Variants in AP3D1 observed in about 807,000 individuals in gnomAD.
AP3D1 encodes the protein adaptor related protein complex 3 subunit delta 1.
AP3D1 carries 51 observed loss-of-function variants against 147.6 expected under a neutral mutation model. That is an observed-to-expected ratio of 0.35 (90% confidence interval 0.28 to 0.44). AP3D1 has a LOEUF of 0.44. Among genes scored for constraint, AP3D1 ranks in the 20% least tolerant of loss-of-function variants. The pLI is 1.00. For synonymous variants in AP3D1, 760 were observed against 663.0 expected (o/e 1.15, Z -2.25); for missense variants, 1,421 against 1,624.2 (o/e 0.87, Z 2.15).
At chr19:2,108,656 G>T in intron 31 of AP3D1, 31 bp downstream of exon 31, 3 of 1,555,622 alleles carry the variant, frequency 1.9e-6, no homozygotes, top group African/African-American at 1.4e-5. Flanking sequence ...GGTGGCAGGA[G>T]CCAGGGTGTG....
chr19:2,157,053 T>G (rs1050032143), intron 1 of AP3D1, among the ~76,000 whole-genome samples: 2 of 149,076 alleles, frequency 1.3e-5, no homozygotes. Context: ...TCCACCCATC[T>G]GTCATCCATC....
At chr19:2,141,051 G>A (rs753485614) in intron 1 of AP3D1, among the ~76,000 whole-genome samples, 18 of 152,080 alleles carry the variant, frequency 1.2e-4, no homozygotes, top group Non-Finnish European at 2.4e-4. Flanking sequence ...GAGCCACTGC[G>A]CCCGGCCTGA....
intron 20 of AP3D1, 88 bp downstream of exon 20, chr19:2,115,131 C>T: frequency 7.2e-7 from 1 of 1,385,698 alleles, no homozygotes; most frequent in Non-Finnish European, 1.0e-6. Context: ...CAACGAAGAC[C>T]ATGGGGAGAG....
Position 2,112,015 on chromosome 19 carries a change from T to G in AP3D1, c.2788-187A>C, listed in dbSNP as rs2018296169. 3 of 916,564 alleles carry G rather than the reference T, an allele frequency of 3.3e-6. No homozygotes were observed. The South Asian group carries it at 5.2e-5, about 16-fold the overall frequency. 56.8% of individuals were successfully genotyped at this position (916,564 alleles called of 1,614,324 possible). A position where few individuals can be genotyped will look rare whatever the true frequency, so the allele number is the denominator to read the frequency against. ...AGGCCAGACCAGGCCCAGCGGAGGC[T>G]GGGGCCGTCTCTGGTTGGCGGCAAG... On this transcript the variant is annotated intron_variant, in intron 24 of 31. Transcript: ENST00000643116.
intron 15 of AP3D1, among the ~76,000 whole-genome samples, 153 bp from the exon 16 acceptor site, chr19:2,117,520 C>A (rs906000868): frequency 3.3e-5 from 5 of 152,252 alleles, no homozygotes; most frequent in African/African-American, 1.2e-4. Flanking sequence ...CATGCCGTCT[C>A]TGTCGTCATC....
chr19:2,163,540 A>G (rs1174953367), intron 1 of AP3D1, among the ~76,000 whole-genome samples: 1 of 150,278 alleles, frequency 6.7e-6, no homozygotes, highest in Non-Finnish European at 1.5e-5. Context: ...TCGAATGAAT[A>G]CTGGACTTGG....
chr19:2,139,163 G>C (rs535582253), intron 1 of AP3D1, among the ~76,000 whole-genome samples: 1 of 151,680 alleles, frequency 6.6e-6, no homozygotes, highest in African/African-American at 2.4e-5. Context: ...CCAATCCAGA[G>C]ACAGGAAGGG....
rs2019503309 is a variant in AP3D1, at chr19:2,151,308, G to A, written c.27C>T (p.Ser9=). The A allele has an allele frequency of 1.9e-6, 3 of 1,610,698 alleles. No individual in the cohort carries two copies. The highest frequency in any genetic ancestry group is 1.7e-6 in the Non-Finnish European group (2 of 1,178,410). The change falls in exon 1 of 32, where the codon AGC becomes AGT. Residue 9 remains serine, a synonymous_variant. Transcript: ENST00000643116. MALKMVKG[S]IDRMFDKNLQ... Reference sequence around the variant, plus strand: ...GATTCTTGTCGAACATGCGGTCGATGCTGCCCTTCACCATCTTGAGGGCCA... The same window carrying A: ...GATTCTTGTCGAACATGCGGTCGATACTGCCCTTCACCATCTTGAGGGCCA...
chr19:2,143,222 C>T lies in AP3D1; in HGVS notation c.97-4508G>A, dbSNP rs532678100. Among the ~76,000 whole-genome samples, 40 of 148,204 alleles carry T rather than the reference C, an allele frequency of 2.7e-4. No homozygotes were observed. In the East Asian group the frequency reaches 7.6e-3, roughly 28 times the overall value. ...AGGACTACAGGCACGTGCCACCATG[C>T]CTGCCTAATTTTTTTTTTTTTTTTT... is the stretch of plus-strand genomic sequence containing the variant. On this transcript the variant is annotated intron_variant, in intron 1 of 31. Transcript: ENST00000643116.
chr19:2,150,433 G>A (rs1034476486), intron 1 of AP3D1, among the ~76,000 whole-genome samples: 1 of 152,208 alleles, frequency 6.6e-6, no homozygotes, highest in African/African-American at 2.4e-5. Flanking sequence ...GGAGCGGGAA[G>A]GAAACGATCC....
At chr19:2,148,766 G>A (rs1405881631) in intron 1 of AP3D1, among the ~76,000 whole-genome samples, 3 of 152,200 alleles carry the variant, frequency 2.0e-5, no homozygotes, top group African/African-American at 4.8e-5. Context: ...CTACTCCATC[G>A]CACTGCCTTT....
At chr19:2,103,180 G>A (rs1198987955) in intron 31 of AP3D1, among the ~76,000 whole-genome samples, 2 of 152,070 alleles carry the variant, frequency 1.3e-5, no homozygotes, top group Non-Finnish European at 2.9e-5. Context: ...CCTCGCAGCT[G>A]TATGTGTTGT....
Position 2,121,059 on chromosome 19 carries a change from C to T in AP3D1, c.1284G>A (p.Leu428=). The stretch of plus-strand genomic sequence containing the variant: ...TGAGGTGGCCGTGCCGTGTGCCCTC[C>T]AGCCGGGTCAGCTCCACCAGGATGC... ...YISILVELTR[L]EGTRHGHLIA... The change falls in exon 14 of 32, where the codon CTG becomes CTA. Residue 428 remains leucine, a synonymous_variant. Transcript: ENST00000643116. 6.2e-7 allele frequency: 1 copy of T among 1,613,440 alleles called. No individual in the cohort carries two copies. Among genetic ancestry groups the T allele is most frequent in the Non-Finnish European group, 8.5e-7 (1 of 1,179,964 alleles).
At chr19:2,146,627 A>G (rs1339755759) in intron 1 of AP3D1, among the ~76,000 whole-genome samples, 2 of 150,802 alleles carry the variant, frequency 1.3e-5, no homozygotes. Context: ...AAAAAAAAAA[A>G]GCCGTACAAT....
chr19:2,101,912 C>G lies in AP3D1; in HGVS notation c.*261G>C. On this transcript the variant is annotated 3_prime_UTR_variant, in exon 32 of 32. Coordinates refer to ENST00000643116, the MANE Select transcript of AP3D1 (RefSeq NM_001261826.3). ...CCCAGCGCGGGGCAGGGCACAGACC[C>G]AGGTGGGGGAGTCCCTTGCTGGTTT... 2.1e-6 allele frequency: 1 copy of G among 481,254 alleles called. No homozygotes were observed. Among genetic ancestry groups the G allele is most frequent in the Non-Finnish European group, 3.7e-6 (1 of 266,696 alleles). 29.8% of individuals were successfully genotyped at this position (481,254 alleles called of 1,614,324 possible). A position where few individuals can be genotyped will look rare whatever the true frequency, so the allele number is the denominator to read the frequency against.
chr19:2,103,973 A>C (rs1188494975), intron 31 of AP3D1, among the ~76,000 whole-genome samples: 1 of 151,702 alleles, frequency 6.6e-6, no homozygotes, highest in Non-Finnish European at 1.5e-5. Flanking sequence ...AGCAGACCAA[A>C]CACCAAGACA....
Position 2,134,687 on chromosome 19 carries a change from C to T in AP3D1, c.355-2109G>A, listed in dbSNP as rs184045951. ...CACAATCTTGGCTCACCACAACCTC[C>T]GCCTCCTGGGTTCAAACAATTCTCC... On this transcript the variant is annotated intron_variant, in intron 4 of 31. Transcript: ENST00000643116. Among the ~76,000 whole-genome samples the T allele has an allele frequency of 7.0e-3, 1,057 of 151,962 alleles. 10 individuals are homozygous for T. Among genetic ancestry groups the T allele is most frequent in the Middle Eastern group, 0.024 (7 of 294 alleles).
At chr19:2,164,223 G>T in intron 1 of AP3D1, 1 of 1,288,668 alleles carries the variant, frequency 7.8e-7, no homozygotes, top group Non-Finnish European at 9.8e-7. Context: ...AGTCGCCCGT[G>T]GGGGCTGAGC....
chr19:2,126,021 G>A (rs368496587), intron 9 of AP3D1, among the ~76,000 whole-genome samples: 3 of 152,122 alleles, frequency 2.0e-5, no homozygotes, highest in African/African-American at 4.8e-5. Context: ...GGTGGCATGC[G>A]CCTGTAGAAG....
Sources: allele counts gnomAD v4.1 joint callset (sites outside exome capture counted in the v4.1 genomes callset), GRCh38; gene constraint gnomAD v4.1.1; transcripts MANE v1.5; gene names NCBI Gene and HGNC (gene_info 2026-07-23, HGNC 2026-07-21).